ITGA2: variants seen among roughly 807,000 people sequenced by gnomAD.
ITGA2 encodes integrin alpha-2.
ITGA2 carries 101 observed loss-of-function variants against 146.3 expected under a neutral mutation model. That is an observed-to-expected ratio of 0.69 (90% CI 0.59 to 0.81). ITGA2 has a LOEUF of 0.81. Ranked by LOEUF, ITGA2 falls within the 40% of genes least tolerant of loss-of-function variation. The pLI, the probability that ITGA2 is intolerant of heterozygous loss-of-function variation, is 0.00. For missense variants in ITGA2, 1,281 were observed against 1,402.7 expected, an observed-to-expected ratio of 0.91 and a Z score of 1.39; for synonymous variants, 477 against 487.1, an observed-to-expected ratio of 0.98 and a Z score of 0.27.
At chr5:53,001,512 C>G (rs1039863434) in intron 1 of ITGA2, among the ~76,000 whole-genome samples, 1 of 152,114 alleles carries the variant, frequency 6.6e-6, no homozygotes, top group Non-Finnish European at 1.5e-5. Context: ...TTTCACTTTT[C>G]AGATCCTTTT....
intron 11 of ITGA2, among the ~76,000 whole-genome samples, chr5:53,060,518 A>T (rs1257230830): frequency 6.6e-6 from 1 of 151,938 alleles, no homozygotes; most frequent in African/African-American, 2.4e-5. Context: ...TAAGCGGCAA[A>T]TCCAGAATCT....
chr5:53,075,266 A>C lies in ITGA2; in HGVS notation c.2787A>C (p.Lys929Asn). 1 of 1,612,794 alleles carries C rather than the reference A, an allele frequency of 6.2e-7. No individual in the cohort carries two copies. Among genetic ancestry groups the C allele is most frequent in the Non-Finnish European group, 8.5e-7 (1 of 1,179,328 alleles). ...ENKADNLVNL[K>N]IPLLYDAEIH... ...AGGCTGATAATTTGGTCAACCTCAA[A>C]ATTCCTCTCCTGTATGATGCTGAAA... The change falls in exon 23 of 30, where the codon AAA (lysine) becomes AAC (asparagine). Residue 929 changes from lysine to asparagine, a missense_variant. Physicochemically the swap from Lys to Asn is moderately conservative, Grantham distance 94. This residue lies in a region of ITGA2 where 475 missense variants were observed against 530.5 expected (regional missense o/e 0.90). Transcript: ENST00000296585.
chr5:53,087,167 T>C (rs1283599034), intron 28 of ITGA2, 126 bp downstream of exon 28: 4 of 741,280 alleles, frequency 5.4e-6, no homozygotes, highest in East Asian at 2.7e-5. Context: ...ACTTTAAAGA[T>C]CTGATGTTTA....
chr5:53,071,939 A>G lies in ITGA2; in HGVS notation c.2237A>G (p.Glu746Gly), dbSNP rs1294564450. ...SCPEHIIYIQ[E>G]PSDVVNSLDL... ...ATGTTTGTGTGTGTGTATGTTTAGG[A>G]GCCCTCTGATGTTGTCAACTCTTTG... The change falls in exon 18 of 30, where the codon GAG becomes GGG. Residue 746 changes from glutamate to glycine, a missense_variant and splice_region_variant. This residue lies in a region of ITGA2 where 475 missense variants were observed against 530.5 expected (regional missense o/e 0.90). Coordinates refer to ENST00000296585, the MANE Select transcript of ITGA2 (RefSeq NM_002203.4). The G allele has an allele frequency of 6.2e-7, 1 of 1,610,272 alleles. No individual in the cohort carries two copies. Among genetic ancestry groups the G allele is most frequent in the Non-Finnish European group, 8.5e-7 (1 of 1,177,168 alleles).
At chr5:53,075,945 C>A (rs892951623) in intron 23 of ITGA2, among the ~76,000 whole-genome samples, 9 of 152,034 alleles carry the variant, frequency 5.9e-5, no homozygotes, top group African/African-American at 2.2e-4. Context: ...CCAAAGCAAG[C>A]AAACCTGAGA....
intron 1 of ITGA2, among the ~76,000 whole-genome samples, chr5:53,007,334 G>A (rs1322617921): frequency 6.6e-6 from 1 of 152,086 alleles, no homozygotes; most frequent in Non-Finnish European, 1.5e-5. Flanking sequence ...TTATAGAGAA[G>A]TGGCTTGTGA....
At chr5:53,019,147 T>A (rs1485651311) in intron 1 of ITGA2, among the ~76,000 whole-genome samples, 3 of 151,968 alleles carry the variant, frequency 2.0e-5, no homozygotes, top group Non-Finnish European at 4.4e-5. Flanking sequence ...AAGGGTACTT[T>A]AAAAAAATAA....
chr5:53,048,376 TGTGGG>T lies in ITGA2; in HGVS notation c.402_406del (p.Trp135ThrfsTer15). The T allele has an allele frequency of 6.2e-7, 1 of 1,613,944 alleles. No homozygotes were observed. Among genetic ancestry groups the T allele is most frequent in the Non-Finnish European group, 8.5e-7 (1 of 1,179,806 alleles). ...ATTTCTTTGAAGACATGTGGTCCTC[TGTGGG>T]CACAGCAATGTGGGAATCAGTATTA... On this transcript the variant is annotated frameshift_variant, in exon 5 of 30. Coordinates refer to ENST00000296585, the MANE Select transcript of ITGA2 (RefSeq NM_002203.4). LOFTEE classifies it high-confidence loss of function.
At chr5:53,062,299 C>A (rs1744938027) in intron 12 of ITGA2, among the ~76,000 whole-genome samples, 1 of 151,868 alleles carries the variant, frequency 6.6e-6, no homozygotes, top group Admixed American at 6.6e-5. Flanking sequence ...GCTCTCTGAT[C>A]ACTCAGCCTT....
At chr5:53,054,650 G>T (rs1744542690) in intron 7 of ITGA2, among the ~76,000 whole-genome samples, 1 of 152,020 alleles carries the variant, frequency 6.6e-6, no homozygotes, top group South Asian at 2.1e-4. Context: ...TTTAAAAAAA[G>T]AATGAGACCT....
At chr5:52,992,728 T>C (rs1025827199) in intron 1 of ITGA2, among the ~76,000 whole-genome samples, 26 of 152,358 alleles carry the variant, frequency 1.7e-4, no homozygotes, top group Admixed American at 1.6e-3. Flanking sequence ...ACTAATGATA[T>C]CTTTCTAAGA....
chr5:53,055,718 C>G (rs767785641), intron 8 of ITGA2, 30 bp downstream of exon 8: 20 of 1,610,448 alleles, frequency 1.2e-5, no homozygotes, highest in Non-Finnish European at 1.7e-5. Context: ...ACTTGTCTTG[C>G]CGCTATTGGG....
intron 1 of ITGA2, among the ~76,000 whole-genome samples, chr5:53,024,076 G>A (rs942912441): frequency 2.6e-5 from 4 of 152,176 alleles, no homozygotes; most frequent in African/African-American, 7.2e-5. Context: ...GGACAATAAA[G>A]TTGAGAGATG....
intron 1 of ITGA2, among the ~76,000 whole-genome samples, chr5:53,016,459 T>C (rs1742403932): frequency 6.6e-6 from 1 of 152,214 alleles, no homozygotes; most frequent in Admixed American, 6.5e-5. Flanking sequence ...GGTTCGTTGT[T>C]AGCCTGATGG....
At chr5:53,043,948 G>A (rs1046008581) in intron 3 of ITGA2, among the ~76,000 whole-genome samples, 1 of 151,936 alleles carries the variant, frequency 6.6e-6, no homozygotes, top group African/African-American at 2.4e-5. Flanking sequence ...ACTGAGTGAT[G>A]GGATCTGAGT....
At chr5:53,009,089 T>A (rs1377434938) in intron 1 of ITGA2, among the ~76,000 whole-genome samples, 1 of 152,140 alleles carries the variant, frequency 6.6e-6, no homozygotes, top group East Asian at 1.9e-4. Flanking sequence ...TGCTGCTTTA[T>A]AGCAAGCAGT....
intron 2 of ITGA2, among the ~76,000 whole-genome samples, chr5:53,028,316 A>G (rs1743051086): frequency 6.6e-6 from 1 of 152,208 alleles, no homozygotes; most frequent in African/African-American, 2.4e-5. Context: ...GTGAGGATGA[A>G]GAGGCTGGAG....
At chr5:53,004,890 C>CTTTT (rs1579784288) in intron 1 of ITGA2, among the ~76,000 whole-genome samples, 2 of 53,808 alleles carry the variant, frequency 3.7e-5, no homozygotes, top group East Asian at 7.7e-4. Flanking sequence ...AGTTTAGTTG[C>CTTTT]TTTGTTTTTT....
At chr5:53,057,909 AGT>A (rs1319508000) in intron 9 of ITGA2, 114 bp from the exon 10 acceptor site, 6 of 742,416 alleles carry the variant, frequency 8.1e-6, no homozygotes, top group Non-Finnish European at 1.5e-5. Flanking sequence ...GTATTGGAAC[AGT>A]GTGTGTTTGT....
Sources: gnomAD v4.1 joint callset for allele counts (sites outside exome capture counted in the v4.1 genomes callset) on GRCh38, gnomAD v4.1.1 for gene constraint, gnomAD v4.1.1 regional missense constraint, MANE v1.5 for transcripts, NCBI Gene and HGNC (gene_info 2026-07-23, HGNC 2026-07-21) for gene names.